EVC2: variants seen among roughly 807,000 people sequenced by gnomAD.
The protein encoded by EVC2 is limbin.
Under a neutral mutation model 149.3 loss-of-function variants are expected in EVC2, and 148 were observed. The ratio of observed to expected loss-of-function variants is 0.99; its 90% confidence interval spans 0.87 to 1.14. The LOEUF (loss-of-function observed/expected upper bound fraction) is 1.14, where lower values mean the gene tolerates loss of function less well. Ranked by LOEUF, EVC2 falls within the 50% of genes most tolerant of loss-of-function variation. The pLI is 0.00. For missense variants in EVC2, 1,854 were observed against 1,627.3 expected, an observed-to-expected ratio of 1.14 and a Z score of -2.40; for synonymous variants, 776 against 649.9, an observed-to-expected ratio of 1.19 and a Z score of -2.95.
intron 1 of EVC2, among the ~76,000 whole-genome samples, chr4:5,700,615 A>G (rs1486120461): frequency 6.6e-6 from 1 of 152,264 alleles, no homozygotes; most frequent in East Asian, 1.9e-4. Flanking sequence ...CAGGCCTCCC[A>G]GGGCAGTCTC....
rs1039127208 is a variant in EVC2 at position 5,663,381 on chromosome 4, C to A, written c.1006-135G>T. ...CCCCACCACTGTGACCACAGTAAAC[C>A]CAGACAAGCTTTTGCGAATGTCCCT... is the stretch of plus-strand genomic sequence containing the variant. On this transcript the variant is annotated intron_variant, in intron 8 of 21. Coordinates refer to ENST00000344408, the MANE Select transcript of EVC2 (RefSeq NM_147127.5). 340 of 1,205,040 alleles carry A rather than the reference C, an allele frequency of 2.8e-4. 3 individuals carry two copies. The highest frequency in any genetic ancestry group is 2.5e-5 in the Non-Finnish European group (21 of 825,856). The allele number at this position is 1,205,040 out of a possible 1,614,324, so 74.6% of individuals were successfully genotyped here. A position where few individuals can be genotyped will look rare whatever the true frequency, so the allele number is the denominator to read the frequency against.
intron 17 of EVC2, among the ~76,000 whole-genome samples, chr4:5,578,346 T>C (rs893832762): frequency 6.6e-6 from 1 of 152,192 alleles, no homozygotes; most frequent in Admixed American, 6.5e-5. Context: ...TGAATGCCAA[T>C]ATGGTGCCAG....
At chr4:5,608,565 G>T (rs944697642) in intron 16 of EVC2, among the ~76,000 whole-genome samples, 1 of 152,046 alleles carries the variant, frequency 6.6e-6, no homozygotes, top group African/African-American at 2.4e-5. Flanking sequence ...ACAGAGTCTC[G>T]GTCGGTCGTC....
chr4:5,615,621 A>C lies in EVC2; in HGVS notation c.2707-77T>G, dbSNP rs910163197. 1.9e-5 allele frequency: 31 copies of C among 1,607,240 alleles called. No individual in the cohort carries two copies. The South Asian group carries it at 3.3e-4, about 17-fold the overall frequency. ...CATGCAGCTCCCCCGAGGGCTTTGC[A>C]GGTCAAGAGAAGTTTCTGCAGCTCC... On this transcript the variant is annotated intron_variant, in intron 15 of 21. Coordinates refer to ENST00000344408, the MANE Select transcript of EVC2 (RefSeq NM_147127.5).
chr4:5,642,275 T>C (rs1353286315), intron 9 of EVC2, among the ~76,000 whole-genome samples: 1 of 152,230 alleles, frequency 6.6e-6, no homozygotes, highest in Non-Finnish European at 1.5e-5. Flanking sequence ...TTAGAATTAA[T>C]GAAGACATTT....
At chr4:5,570,879 TG>T (rs1315860906) in intron 19 of EVC2, among the ~76,000 whole-genome samples, 2 of 152,060 alleles carry the variant, frequency 1.3e-5, no homozygotes, top group Non-Finnish European at 2.9e-5. Context: ...TTATTCTAAG[TG>T]AAGAAACTCA....
chr4:5,587,049 T>C (rs562169839), intron 16 of EVC2, among the ~76,000 whole-genome samples: 18 of 152,384 alleles, frequency 1.2e-4, no homozygotes, highest in African/African-American at 4.3e-4. Context: ...TAATTGTACA[T>C]ACGTTAAAAA....
Position 5,696,931 on chromosome 4 carries a change from G to A in EVC2, c.283+662C>T, listed in dbSNP as rs1047230263. On this transcript the variant is annotated intron_variant, in intron 2 of 21. Coordinates refer to ENST00000344408, the MANE Select transcript of EVC2 (RefSeq NM_147127.5). The surrounding 1 kb of genome is among the most constrained non-coding windows in gnomAD (Gnocchi z 4.1). ...TCCATTAAGGGCTTCGAGATGGGGAGATTGCCTGGATTATCCTGGTGGGCC... is the reference window on the plus strand; with the variant it reads ...TCCATTAAGGGCTTCGAGATGGGGAAATTGCCTGGATTATCCTGGTGGGCC... 5.9e-5 allele frequency among the ~76,000 whole-genome samples: 9 copies of A among 152,214 alleles called. No homozygotes were observed. The highest frequency in any genetic ancestry group is 1.9e-4 in the African/African-American group (8 of 41,444).
intron 2 of EVC2, among the ~76,000 whole-genome samples, chr4:5,694,922 T>C (rs985000316): frequency 2.6e-5 from 4 of 152,138 alleles, no homozygotes; most frequent in African/African-American, 9.7e-5. Flanking sequence ...GCAAACAGCA[T>C]AGGTCTCACC....
downstream of EVC2, among the ~76,000 whole-genome samples, chr4:5,540,856 A>G (rs1721498938): frequency 6.6e-6 from 1 of 152,186 alleles, no homozygotes; most frequent in African/African-American, 2.4e-5. Context: ...CTGCCTTAAA[A>G]TACAATGTCT....
At chr4:5,638,178 C>T (rs1048854407) in intron 10 of EVC2, among the ~76,000 whole-genome samples, 8 of 152,086 alleles carry the variant, frequency 5.3e-5, no homozygotes, top group Non-Finnish European at 1.2e-4. Context: ...CACCTGAGGT[C>T]AGGAGTTCGA....
chr4:5,628,525 C>A (rs1337789238), intron 12 of EVC2, 34 bp downstream of exon 12: 2 of 1,613,358 alleles, frequency 1.2e-6, no homozygotes, highest in Non-Finnish European at 1.7e-6. Context: ...CAGACTAAGA[C>A]AGTTCGCACT....
In EVC2 at chr4:5,629,470, C is replaced by T. The variant is rs6847485; in HGVS notation, c.1711-736G>A. 5.3e-5 allele frequency among the ~76,000 whole-genome samples: 8 copies of T among 152,130 alleles called. No individual in the cohort carries two copies. In the South Asian group the frequency reaches 1.2e-3, roughly 24 times the overall value. ...CCTGCTTCCAAAAATCCCACTTTAA[C>T]CAGAGGCATAGTAATTAGACCAGGA... On this transcript the variant is annotated intron_variant, in intron 11 of 21. Coordinates refer to ENST00000344408, the MANE Select transcript of EVC2 (RefSeq NM_147127.5).
chr4:5,675,624 T>C (rs924659301), intron 7 of EVC2, among the ~76,000 whole-genome samples: 2 of 152,192 alleles, frequency 1.3e-5, no homozygotes, highest in Admixed American at 1.3e-4. Context: ...TGATTTTTTT[T>C]CACATCCCCT....
At chr4:5,559,631 A>C (rs11727214), downstream of EVC2, among the ~76,000 whole-genome samples, 76,562 of 151,986 alleles carry the variant, frequency 0.5, 21,869 homozygotes, top group Non-Finnish European at 0.66. This position sits in a 1 kb window ranked among gnomAD's most constrained non-coding sequence, Gnocchi z 5.0. Context: ...TCGGAAAAAC[A>C]TAAAAATCTG....
At position 5,625,170 on chromosome 4, in the gene EVC2, C is replaced by T. The variant is rs1245188062; in HGVS notation, c.2046+579G>A. 1.3e-5 allele frequency among the ~76,000 whole-genome samples: 2 copies of T among 152,076 alleles called. No individual in the cohort carries two copies. The highest frequency in any genetic ancestry group is 2.9e-5 in the Non-Finnish European group (2 of 68,014). On this transcript the variant is annotated intron_variant, in intron 13 of 21. Coordinates refer to ENST00000344408, the MANE Select transcript of EVC2 (RefSeq NM_147127.5). This position sits in a 1 kb window ranked among gnomAD's most constrained non-coding sequence, Gnocchi z 4.0. ...AAGGTAACCCCTTAGCACGGCACACCATGCCCCCATTGACTTGCTGCTGCA... is the reference window on the plus strand; with the variant it reads ...AAGGTAACCCCTTAGCACGGCACACTATGCCCCCATTGACTTGCTGCTGCA...
intron 6 of EVC2, among the ~76,000 whole-genome samples, chr4:5,682,663 A>C (rs1422479128): frequency 2.0e-5 from 3 of 151,660 alleles, no homozygotes; most frequent in Non-Finnish European, 4.4e-5. Flanking sequence ...GCTTGAGACC[A>C]GCCTGGCCAA....
intron 17 of EVC2, among the ~76,000 whole-genome samples, chr4:5,581,586 T>C (rs191781839): frequency 6.6e-6 from 1 of 152,326 alleles, no homozygotes; most frequent in Non-Finnish European, 1.5e-5. Flanking sequence ...GCATTCAAGA[T>C]GTAACCTGGC....
chr4:5,616,428 C>T (rs983409145), intron 15 of EVC2, among the ~76,000 whole-genome samples: 14 of 151,932 alleles, frequency 9.2e-5, no homozygotes, highest in South Asian at 2.1e-4. Flanking sequence ...TGAGGTCAAA[C>T]GTAGACACTA....
Sources: allele counts gnomAD v4.1 joint callset (sites outside exome capture counted in the v4.1 genomes callset), GRCh38; gene constraint gnomAD v4.1.1; non-coding constraint Gnocchi (gnomAD v3.1); transcripts MANE v1.5; gene names NCBI Gene and HGNC (gene_info 2026-07-23, HGNC 2026-07-21).